The following DDX55 variants were observed in gnomAD, a reference collection of about 807,000 sequenced individuals.
DDX55 encodes the protein ATP-dependent RNA helicase DDX55.
A neutral mutation model predicts 69.2 loss-of-function variants in DDX55; 56 were observed. The ratio of observed to expected loss-of-function variants is 0.81; its 90% confidence interval spans 0.65 to 1.01. The LOEUF is 1.01. DDX55 is among the 50% of genes least tolerant of loss of function. The probability of loss-of-function intolerance (pLI) is 0.00; values close to 1 mark genes in which losing one functional copy is unlikely to be tolerated. For synonymous variants in DDX55, 268 were observed against 273.1 expected, an observed-to-expected ratio of 0.98 and a Z score of 0.18; for missense variants, 720 against 745.1, an observed-to-expected ratio of 0.97 and a Z score of 0.39.
At chr12:123,606,583 C>CTTTT (rs11445443) in intron 3 of DDX55, among the ~76,000 whole-genome samples, 1 of 138,508 alleles carries the variant, frequency 7.2e-6, no homozygotes, top group East Asian at 2.1e-4. Flanking sequence ...TGTTTTTTAC[C>CTTTT]TTTTTTTTTT....
intron 8 of DDX55, 144 bp downstream of exon 8, chr12:123,613,396 T>G: frequency 1.2e-6 from 1 of 802,390 alleles, no homozygotes; most frequent in Non-Finnish European, 1.9e-6. Context: ...CCAACTTTTG[T>G]TGTCCGAACA....
chr12:123,603,789 T>G (rs1317875654), intron 1 of DDX55, among the ~76,000 whole-genome samples: 1 of 151,894 alleles, frequency 6.6e-6, no homozygotes, highest in African/African-American at 2.4e-5. Flanking sequence ...TTTTTTTTGT[T>G]TTTTGTTTGT....
Position 123,610,010 on chromosome 12 carries a change from A to G in DDX55, c.623A>G (p.Glu208Gly). The change falls in exon 7 of 14, where the codon GAA becomes GGA. Residue 208 changes from glutamate (E) to glycine (G), a missense_variant. Physicochemically the swap from Glu to Gly is moderately conservative, Grantham distance 98 (BLOSUM62 -2). Coordinates refer to ENST00000238146, the MANE Select transcript of DDX55 (RefSeq NM_020936.3). ...CTTTTCTCTGCCACTCAGACGCAGG[A>G]AGTGGAGAACCTGGTGAGAGCGGGC... ...TGLFSATQTQ[E>G]VENLVRAGLR... The G allele has an allele frequency of 6.2e-7, 1 of 1,614,164 alleles. No homozygotes were observed. Among genetic ancestry groups the G allele is most frequent in the African/African-American group, 1.3e-5 (1 of 75,028 alleles).
chr12:123,612,785 G>A (rs1483312103), intron 7 of DDX55, among the ~76,000 whole-genome samples: 3 of 148,614 alleles, frequency 2.0e-5, no homozygotes, highest in East Asian at 2.0e-4. Flanking sequence ...CCAGGAGTTC[G>A]ATACCAGTCT....
chr12:123,608,532 C>T (rs1056577669), intron 5 of DDX55, 148 bp from the exon 6 acceptor site: 1 of 935,638 alleles, frequency 1.1e-6, no homozygotes, highest in African/African-American at 1.6e-5. Flanking sequence ...TCTTTCTACC[C>T]TGCAGCACTC....
At chr12:123,615,809 C>T (rs1005175286) in intron 9 of DDX55, among the ~76,000 whole-genome samples, 1 of 152,126 alleles carries the variant, frequency 6.6e-6, no homozygotes, top group Non-Finnish European at 1.5e-5. Flanking sequence ...GTGGTGAAAC[C>T]CTGTCTCTAC....
Position 123,610,048 on chromosome 12 carries a change from G to A in DDX55, c.661G>A (p.Val221Ile). Residue 221 changes from valine to isoleucine, a missense_variant, in exon 7 of 14, where the codon GTC becomes ATC. Transcript: ENST00000238146. ...GGTGAGAGCGGGCCTCCGGAACCCT[G>A]TCCGGGTCTCAGTGAAGGAGAAGGG... The part of the protein sequence containing the change: ...NLVRAGLRNP[V>I]RVSVKEKGVA... The A allele has an allele frequency of 3.1e-6, 5 of 1,614,160 alleles. No homozygotes were observed. The highest frequency in any genetic ancestry group is 4.2e-6 in the Non-Finnish European group (5 of 1,180,028).
rs931264383 is a variant in DDX55 at position 123,605,956 on chromosome 12, G to A, written c.134G>A (p.Arg45Gln). The A allele has an allele frequency of 5.0e-6, 8 of 1,614,078 alleles. No homozygotes were observed. Among genetic ancestry groups the A allele is most frequent in the Middle Eastern group, 1.7e-4 (1 of 6,060 alleles). The change falls in exon 2 of 14, where the codon CGA becomes CAA. Residue 45 changes from arginine (R) to glutamine (Q), a missense_variant. Transcript: ENST00000238146. ...VQSATIPLFM[R>Q]NKDVAAEAVT... is the part of the protein sequence containing the mutation. ...TCCGCAACCATCCCTCTGTTCATGC[G>A]AAACAAAGATGTCGCTGCAGAAGCG...
Position 123,603,790 on chromosome 12 carries a change from T to TTTTGTTTG in DDX55, c.108+1546_108+1553dup, listed in dbSNP as rs777261972. On this transcript the variant is annotated intron_variant, in intron 1 of 13. Coordinates refer to ENST00000238146, the MANE Select transcript of DDX55 (RefSeq NM_020936.3). The stretch of plus-strand genomic sequence containing the variant: ...AAAGTCAAGAGTTCTTTTTTTTGTT[T>TTTTGTTTG]TTTGTTTGTTTGTTTGTTTTTAACT... Among the ~76,000 whole-genome samples, 885 of 152,038 alleles carry TTTTGTTTG rather than the reference T, an allele frequency of 5.8e-3. 8 individuals are homozygous for TTTTGTTTG. Among genetic ancestry groups the TTTTGTTTG allele is most frequent in the African/African-American group, 0.021 (853 of 41,454 alleles).
chr12:123,611,562 A>G (rs1344842701), intron 7 of DDX55, among the ~76,000 whole-genome samples: 3 of 152,260 alleles, frequency 2.0e-5, no homozygotes, highest in Non-Finnish European at 4.4e-5. Context: ...GCTGTTCAAA[A>G]TGAAGGAGGC....
intron 1 of DDX55, among the ~76,000 whole-genome samples, chr12:123,603,581 G>A (rs1593660912): frequency 2.0e-5 from 3 of 151,726 alleles, no homozygotes; most frequent in South Asian, 4.2e-4. Context: ...TAGTAGATAC[G>A]GGGTTTCACC....
chr12:123,619,938 A>G, intron 13 of DDX55, 26 bp from the exon 14 acceptor site: 2 of 1,592,710 alleles, frequency 1.3e-6, no homozygotes, highest in African/African-American at 1.4e-5. Context: ...AAAATTTAGT[A>G]GTTTATTGGT....
At chr12:123,615,100 T>C (rs1362476414) in intron 8 of DDX55, 85 bp from the exon 9 acceptor site, 15 of 1,578,370 alleles carry the variant, frequency 9.5e-6, no homozygotes, top group Non-Finnish European at 1.3e-5. Context: ...TTGCGTCTGC[T>C]GCAGCTATTG....
Position 123,613,220 on chromosome 12 carries a change from T to C in DDX55, c.792T>C (p.Asn264=), listed in dbSNP as rs1245329432. Residue 264 remains asparagine (N), a synonymous_variant, in exon 8 of 14, where the codon AAT becomes AAC. Coordinates refer to ENST00000238146, the MANE Select transcript of DDX55 (RefSeq NM_020936.3). Reference sequence around the variant, plus strand: ...ATCAGCTGGTCCATTTTCTTCGCAATCATAAGCAGGAGAAACACCTGGTCT... The same window carrying C: ...ATCAGCTGGTCCATTTTCTTCGCAACCATAAGCAGGAGAAACACCTGGTCT... ...KFNQLVHFLR[N]HKQEKHLVFF... 4.3e-6 allele frequency: 7 copies of C among 1,614,068 alleles called. No individual in the cohort carries two copies. Among genetic ancestry groups the C allele is most frequent in the Non-Finnish European group, 5.1e-6 (6 of 1,180,038 alleles).
chr12:123,605,789 C>A, intron 1 of DDX55, 142 bp from the exon 2 acceptor site: 1 of 1,105,284 alleles, frequency 9.0e-7, no homozygotes, highest in Non-Finnish European at 1.4e-6. Flanking sequence ...TTCAACTTCT[C>A]TATGGTGACT....
chr12:123,617,897 A>G, intron 11 of DDX55, 25 bp downstream of exon 11: 1 of 849,344 alleles, frequency 1.2e-6, no homozygotes, highest in Non-Finnish European at 1.7e-6. Context: ...GTTTTCAGAT[A>G]GAATGCCTAG....
intron 5 of DDX55, chr12:123,607,886 C>A: frequency 3.3e-6 from 2 of 600,210 alleles, no homozygotes; most frequent in East Asian, 2.9e-5. Flanking sequence ...GTCAAGAGAA[C>A]GACGTGAAGA....
At chr12:123,605,452 A>G (rs1390191099) in intron 1 of DDX55, 4 of 245,656 alleles carry the variant, frequency 1.6e-5, no homozygotes, top group Non-Finnish European at 3.2e-5. Flanking sequence ...GATTTAAGTG[A>G]GCTCAGGCCC....
rs1954396809 is a variant in DDX55 at position 123,613,203 on chromosome 12, G to T, written c.775G>T (p.Val259Phe). The T allele has an allele frequency of 1.2e-6, 2 of 1,613,962 alleles. No homozygotes were observed. The highest frequency in any genetic ancestry group is 8.5e-7 in the Non-Finnish European group (1 of 1,179,992). The change falls in exon 8 of 14, where the codon GTC (valine) becomes TTC (phenylalanine). Residue 259 changes from valine to phenylalanine, a missense_variant. Transcript: ENST00000238146. ...CKADEKFNQL[V>F]HFLRNHKQEK... ...GGCAGATGAGAAATTTAATCAGCTGGTCCATTTTCTTCGCAATCATAAGCA... is the reference window on the plus strand; with the variant it reads ...GGCAGATGAGAAATTTAATCAGCTGTTCCATTTTCTTCGCAATCATAAGCA...
Sources: gnomAD v4.1 joint callset for allele counts (sites outside exome capture counted in the v4.1 genomes callset) on GRCh38, gnomAD v4.1.1 for gene constraint, MANE v1.5 for transcripts, NCBI Gene and HGNC (gene_info 2026-07-23, HGNC 2026-07-21) for gene names.